Variants in ZNF143 observed in about 807,000 individuals in gnomAD.
The protein encoded by ZNF143 is zinc finger protein 143.
Under a neutral mutation model 74.1 loss-of-function variants are expected in ZNF143, and 49 were observed. The ratio of observed to expected loss-of-function variants is 0.66; its 90% CI spans 0.53 to 0.84. The LOEUF is 0.84. Among genes scored for constraint, ZNF143 ranks in the 40% least tolerant of loss-of-function variants. The probability of loss-of-function intolerance (pLI) is 0.00; values close to 1 mark genes in which losing one functional copy is unlikely to be tolerated. For missense variants in ZNF143, 637 were observed against 793.4 expected, an observed-to-expected ratio of 0.80 and a Z score of 2.37; for synonymous variants, 304 against 282.8, an observed-to-expected ratio of 1.07 and a Z score of -0.75.
Position 9,527,680 on chromosome 11 carries a change from G to C in ZNF143, c.*67G>C. The C allele has an allele frequency of 6.8e-7, 1 of 1,475,888 alleles. No individual in the cohort carries two copies. Among genetic ancestry groups the C allele is most frequent in the Non-Finnish European group, 9.4e-7 (1 of 1,063,318 alleles). The allele number at this position is 1,475,888 out of a possible 1,614,324, so 91.4% of individuals were successfully genotyped here. On this transcript the variant is annotated 3_prime_UTR_variant, in exon 16 of 16. Transcript: ENST00000396602. The stretch of plus-strand genomic sequence containing the variant: ...TCTTCTGGCAGCAGAAATCCATGAA[G>C]CCCGGGCCCAGGAAAATTAGAAGTT...
At chr11:9,496,824 C>A (rs1369476380) in intron 9 of ZNF143, among the ~76,000 whole-genome samples, 2 of 152,086 alleles carry the variant, frequency 1.3e-5, no homozygotes, top group East Asian at 3.9e-4. Flanking sequence ...TCTCAAACTC[C>A]TGGTCTCAAG....
At chr11:9,486,378 TATATATATAATATATATA>T (rs1248916869) in intron 7 of ZNF143, among the ~76,000 whole-genome samples, 1 of 36,196 alleles carries the variant, frequency 2.8e-5, no homozygotes, top group African/African-American at 1.3e-4. Flanking sequence ...TATAATATAT[TATATATATAATATATATA>T]ATATATTATA....
intron 11 of ZNF143, among the ~76,000 whole-genome samples, chr11:9,506,332 CAAAA>C (rs1848364228): frequency 6.6e-6 from 1 of 152,108 alleles, no homozygotes; most frequent in Non-Finnish European, 1.5e-5. Context: ...GACTCCGTCT[CAAAA>C]AGAAAAGAAA....
intron 11 of ZNF143, among the ~76,000 whole-genome samples, chr11:9,508,012 C>T (rs1848422290): frequency 6.6e-6 from 1 of 152,100 alleles, no homozygotes; most frequent in Non-Finnish European, 1.5e-5. Flanking sequence ...TGTGTACTGC[C>T]TATAATGTTC....
intron 14 of ZNF143, among the ~76,000 whole-genome samples, chr11:9,519,763 A>C (rs1282902167): frequency 1.3e-5 from 2 of 152,198 alleles, no homozygotes; most frequent in Non-Finnish European, 2.9e-5. Context: ...TGGGTCATAG[A>C]ATAGAGGCAT....
chr11:9,516,345 G>A lies in ZNF143; in HGVS notation c.1669G>A (p.Gly557Ser), dbSNP rs768568346. 5.6e-6 allele frequency: 9 copies of A among 1,612,692 alleles called. 1 individual carries two copies. The South Asian group carries it at 6.6e-5, about 12-fold the overall frequency. Residue 557 changes from glycine to serine, a missense_variant, in exon 14 of 16, where the codon GGT (glycine) becomes AGT (serine). Coordinates refer to ENST00000396602, the MANE Select transcript of ZNF143 (RefSeq NM_003442.6). ...CTCTGTTGCTATGGTTACTGCTGAG[G>A]GTACAGAAGGGGAACAGGTAATTAC... ...THSVAMVTAE[G>S]TEGEQVAIVA... is the part of the protein sequence containing the mutation.
chr11:9,513,505 A>G (rs1031330134), intron 13 of ZNF143, among the ~76,000 whole-genome samples: 8 of 152,342 alleles, frequency 5.3e-5, no homozygotes, highest in Admixed American at 4.6e-4. Flanking sequence ...GTTGTTTTAT[A>G]TAACCTCCCT....
intron 14 of ZNF143, among the ~76,000 whole-genome samples, chr11:9,519,858 A>G (rs1291361026): frequency 6.6e-6 from 1 of 152,000 alleles, no homozygotes; most frequent in East Asian, 1.9e-4. Context: ...TAAGAGTTCC[A>G]TTTGTTCAGT....
Position 9,497,796 on chromosome 11 carries a change from T to C in ZNF143, c.963T>C (p.His321=), listed in dbSNP as rs1258590496. 6.5e-7 allele frequency: 1 copy of C among 1,548,662 alleles called. No individual in the cohort carries two copies. ...SGDLQKHIRT[H]TGERPFKCPF... ...ATCTACAGAAACACATCAGAACTCATACAGGTACTAGTGGAAACAGAGTGT... is the reference window on the plus strand; with the variant it reads ...ATCTACAGAAACACATCAGAACTCACACAGGTACTAGTGGAAACAGAGTGT... Residue 321 remains histidine (H), a synonymous_variant, in exon 10 of 16, where the codon CAT becomes CAC. Transcript: ENST00000396602.
intron 15 of ZNF143, 185 bp downstream of exon 15, chr11:9,525,571 T>G: frequency 1.3e-6 from 1 of 754,882 alleles, no homozygotes; most frequent in Non-Finnish European, 2.2e-6. Flanking sequence ...CTTTGTTCTC[T>G]ACCCATCTTT....
In ZNF143 at chr11:9,486,386, T is replaced by A. The variant is rs1336180303; in HGVS notation, c.645+6840T>A. Among the ~76,000 whole-genome samples the A allele has an allele frequency of 1.4e-3, 34 of 24,618 alleles. 2 individuals are homozygous for A. The East Asian group carries it at 0.021, about 15-fold the overall frequency. The allele number at this position is 24,618 out of a possible 152,430, so 16.2% of individuals were successfully genotyped here. ...TATTATATATAATATATTATATATA[T>A]AATATATATAATATATTATATATAT... On this transcript the variant is annotated intron_variant, in intron 7 of 15. Transcript: ENST00000396602.
intron 11 of ZNF143, 76 bp from the exon 12 acceptor site, chr11:9,508,543 C>A: frequency 7.3e-7 from 1 of 1,363,294 alleles, no homozygotes; most frequent in Non-Finnish European, 1.0e-6. Flanking sequence ...AGGTATTTTA[C>A]CCCCTGGGGG....
intron 1 of ZNF143, among the ~76,000 whole-genome samples, chr11:9,463,500 T>C (rs1855996302): frequency 6.6e-6 from 1 of 152,228 alleles, no homozygotes; most frequent in African/African-American, 2.4e-5. Context: ...GTGTCTCTTG[T>C]AGGTTTGGTT....
intron 7 of ZNF143, among the ~76,000 whole-genome samples, chr11:9,484,799 G>GTTTTTTTTTTTTTTT (rs1316309780): frequency 0.011 from 277 of 24,176 alleles, 8 homozygotes; most frequent in Non-Finnish European, 0.015. Context: ...CCTGGCCAAA[G>GTTTTTTTTTTTTTTT]ATTTTTTTTT....
intron 11 of ZNF143, among the ~76,000 whole-genome samples, chr11:9,506,323 A>G (rs2134137002): frequency 6.6e-6 from 1 of 152,304 alleles, no homozygotes; most frequent in East Asian, 1.9e-4. Context: ...ACAGAGCGAG[A>G]CTCCGTCTCA....
chr11:9,471,680 G>A (rs1038329050), intron 2 of ZNF143, among the ~76,000 whole-genome samples: 4 of 151,162 alleles, frequency 2.6e-5, no homozygotes, highest in Admixed American at 1.3e-4. Context: ...AGCCTCCCGA[G>A]TAGCTGGGAT....
chr11:9,490,005 A>G (rs1847708896), intron 7 of ZNF143, among the ~76,000 whole-genome samples: 1 of 151,476 alleles, frequency 6.6e-6, no homozygotes, highest in Admixed American at 6.6e-5. Context: ...ACATGACAAG[A>G]CTCCATTTCT....
chr11:9,500,190 G>T (rs1279822538), intron 10 of ZNF143, among the ~76,000 whole-genome samples: 1 of 151,946 alleles, frequency 6.6e-6, no homozygotes, highest in Non-Finnish European at 1.5e-5. Context: ...CAAGTGATCC[G>T]CCTGCCTTAG....
At chr11:9,491,915 C>A (rs923325578) in intron 7 of ZNF143, among the ~76,000 whole-genome samples, 1 of 152,084 alleles carries the variant, frequency 6.6e-6, no homozygotes, top group Non-Finnish European at 1.5e-5. Flanking sequence ...TAGGCTTGAG[C>A]CACTGTGCCC....
Sources: gnomAD v4.1 joint callset for allele counts (sites outside exome capture counted in the v4.1 genomes callset) on GRCh38, gnomAD v4.1.1 for gene constraint, MANE v1.5 for transcripts, NCBI Gene and HGNC (gene_info 2026-07-23, HGNC 2026-07-21) for gene names.